MYO16: variants seen among roughly 807,000 people sequenced by gnomAD.
MYO16 encodes myosin XVI, also known as unconventional myosin-XVI.
MYO16 carries 94 observed loss-of-function variants against 205.3 expected under a neutral mutation model. That is an observed-to-expected ratio of 0.46 (90% CI 0.39 to 0.54). The LOEUF is 0.54. MYO16 is among the 20% of genes least tolerant of loss of function. The pLI is 0.00. For synonymous variants in MYO16, 988 were observed against 954.0 expected, an observed-to-expected ratio of 1.04 and a Z score of -0.66; for missense variants, 2,315 against 2,387.5, an observed-to-expected ratio of 0.97 and a Z score of 0.63.
chr13:108,790,297 C>T (rs186636124), intron 5 of MYO16, among the ~76,000 whole-genome samples: 2 of 152,224 alleles, frequency 1.3e-5, no homozygotes, highest in African/African-American at 2.4e-5. Context: ...AGATTGACTT[C>T]GGGAGTTGAC....
chr13:109,023,796 C>A (rs1168581727), intron 23 of MYO16, among the ~76,000 whole-genome samples: 1 of 132,062 alleles, frequency 7.6e-6, no homozygotes, highest in African/African-American at 2.7e-5. Context: ...GCATATTCTA[C>A]ATTTATATAC....
chr13:108,822,704 G>T (rs2139020468), intron 8 of MYO16, among the ~76,000 whole-genome samples: 1 of 152,262 alleles, frequency 6.6e-6, no homozygotes, highest in South Asian at 2.1e-4. Context: ...CCATTTAGTA[G>T]AATGTTTATA....
At chr13:109,092,353 T>C (rs1888649608) in intron 27 of MYO16, among the ~76,000 whole-genome samples, 2 of 151,286 alleles carry the variant, frequency 1.3e-5, no homozygotes, top group Admixed American at 1.3e-4. Context: ...AGTGACAGAT[T>C]GGATAAAGAA....
the MYO16 span, among the ~76,000 whole-genome samples, chr13:108,500,845 T>TA: frequency 6.6e-6 from 1 of 152,132 alleles, no homozygotes; most frequent in Non-Finnish European, 1.5e-5. Context: ...ATCTGCAGCA[T>TA]AAAGTGCCTG....
intron 27 of MYO16, among the ~76,000 whole-genome samples, chr13:109,060,434 T>C (rs1887554822): frequency 6.8e-6 from 1 of 147,960 alleles, no homozygotes; most frequent in East Asian, 2.0e-4. Context: ...AGTTGAACAA[T>C]GAAATCACAT....
chr13:108,786,682 G>T (rs1472067505), intron 5 of MYO16, among the ~76,000 whole-genome samples: 1 of 152,206 alleles, frequency 6.6e-6, no homozygotes, highest in Non-Finnish European at 1.5e-5. Flanking sequence ...GCAGCAATGA[G>T]TTCGCAGATA....
At chr13:109,161,118 T>C (rs1325762229) in intron 32 of MYO16, among the ~76,000 whole-genome samples, 1 of 152,218 alleles carries the variant, frequency 6.6e-6, no homozygotes. Flanking sequence ...TTCAGTAGAA[T>C]GCCGCGGCTA....
intron 1 of MYO16, among the ~76,000 whole-genome samples, chr13:108,657,497 T>A (rs890167470): frequency 6.6e-6 from 1 of 152,244 alleles, no homozygotes; most frequent in African/African-American, 2.4e-5. Context: ...GAAATATATA[T>A]CTTGGTTGTA....
chr13:108,538,061 T>G, the MYO16 span, among the ~76,000 whole-genome samples: 86 of 152,260 alleles, frequency 5.6e-4, no homozygotes, highest in Middle Eastern at 0.017. Context: ...GCTTTGGAGA[T>G]CTTAGTAGTA....
At chr13:108,558,205 A>G in the MYO16 span, among the ~76,000 whole-genome samples, 2 of 152,188 alleles carry the variant, frequency 1.3e-5, no homozygotes, top group Admixed American at 1.3e-4. Flanking sequence ...TCCCCTTTTT[A>G]TACAACGTAT....
intron 28 of MYO16, chr13:109,101,836 A>G (rs75463082): frequency 5.3e-4 from 80 of 152,342 alleles, no homozygotes; most frequent in African/African-American, 1.9e-3. Context: ...GAGAATATCT[A>G]TGAGTAAAAA....
the MYO16 span, among the ~76,000 whole-genome samples, chr13:108,585,117 C>T: frequency 2.6e-5 from 4 of 152,246 alleles, no homozygotes; most frequent in South Asian, 6.2e-4. Context: ...GAGTCAAACT[C>T]TGTAAAATAT....
At chr13:108,558,524 C>A in the MYO16 span, among the ~76,000 whole-genome samples, 3 of 152,186 alleles carry the variant, frequency 2.0e-5, no homozygotes, top group Admixed American at 2.0e-4. Context: ...AGGGTTCTAT[C>A]AGGTACTTGA....
At chr13:109,043,237 G>A (rs1886935948) in intron 23 of MYO16, among the ~76,000 whole-genome samples, 1 of 152,174 alleles carries the variant, frequency 6.6e-6, no homozygotes, top group Non-Finnish European at 1.5e-5. Flanking sequence ...GCTGGCTGCT[G>A]CAGAGACAGA....
intron 1 of MYO16, among the ~76,000 whole-genome samples, chr13:108,602,129 A>G (rs898566241): frequency 6.7e-6 from 1 of 148,430 alleles, no homozygotes; most frequent in Non-Finnish European, 1.5e-5. Flanking sequence ...AAAACAGCCC[A>G]GGAAGAATTC....
rs547248693 is a variant in MYO16 at position 108,624,135 on chromosome 13, G to A, written c.-39+27896G>A. Among the ~76,000 whole-genome samples, 10 of 152,196 alleles carry A rather than the reference G, an allele frequency of 6.6e-5. No individual in the cohort carries two copies. In the South Asian group the frequency reaches 1.5e-3, roughly 22 times the overall value. On this transcript the variant is annotated intron_variant, in intron 1 of 24. Coordinates refer to the MYO16 transcript ENST00000251041. ...TGAAGGAGAGGCTTCTTATTTAATT[G>A]CCTCACAATTCCTTTCATCCTTTTT...
chr13:108,901,408 C>G (rs1181660860), intron 15 of MYO16, among the ~76,000 whole-genome samples: 1 of 152,106 alleles, frequency 6.6e-6, no homozygotes, highest in Non-Finnish European at 1.5e-5. Context: ...TGTACTCTGT[C>G]CCTTTATTTC....
chr13:108,976,839 GA>G (rs1232342449), intron 20 of MYO16, among the ~76,000 whole-genome samples: 2 of 151,978 alleles, frequency 1.3e-5, no homozygotes, highest in Non-Finnish European at 2.9e-5. Flanking sequence ...AGTACAAAAG[GA>G]ATCCAGGCAA....
chr13:109,070,636 C>T (rs1887894699), intron 27 of MYO16, among the ~76,000 whole-genome samples: 1 of 151,990 alleles, frequency 6.6e-6, no homozygotes, highest in Non-Finnish European at 1.5e-5. Flanking sequence ...AGTCTTTCTC[C>T]CCAAAAAAGC....
Sources: gnomAD v4.1 joint callset for allele counts (sites outside exome capture counted in the v4.1 genomes callset) on GRCh38, gnomAD v4.1.1 for gene constraint, MANE v1.5 for transcripts, NCBI Gene and HGNC (gene_info 2026-07-23, HGNC 2026-07-21) for gene names.